The following DLG5 variants were observed in gnomAD, a reference collection of about 807,000 sequenced individuals.
The protein encoded by DLG5 is disks large homolog 5.
In DLG5, 48 loss-of-function variants were observed where a neutral mutation model predicts 189.8. The ratio of observed to expected loss-of-function variants is 0.25; its 90% CI spans 0.20 to 0.32. DLG5 has a LOEUF of 0.32. Ranked by LOEUF, DLG5 falls within the 10% of genes least tolerant of loss-of-function variation. DLG5 has a pLI of 1.00. For missense variants in DLG5, 2,160 were observed against 2,544.7 expected (o/e 0.85, Z 3.25); for synonymous variants, 1,016 against 1,054.1 (o/e 0.96, Z 0.70).
chr10:77,828,830 T>C (rs1025508621), intron 13 of DLG5, 52 bp downstream of exon 13: 1 of 1,586,876 alleles, frequency 6.3e-7, no homozygotes, highest in African/African-American at 1.3e-5. Flanking sequence ...ACCTCCCAAA[T>C]GTAATCTGCC....
intron 5 of DLG5, among the ~76,000 whole-genome samples, chr10:77,849,534 TCTC>T (rs1265438882): frequency 1.1e-4 from 16 of 152,240 alleles, no homozygotes; most frequent in African/African-American, 3.6e-4. Context: ...CCAGGCCTCT[TCTC>T]CTGGTGGGGT....
At chr10:77,927,001 G>T, upstream of DLG5, 1 of 344,356 alleles carries the variant, frequency 2.9e-6, no homozygotes, top group Non-Finnish European at 6.0e-6. Flanking sequence ...GACAGCTCCG[G>T]CCCGGCTCGG....
intron 13 of DLG5, 104 bp from the exon 14 acceptor site, chr10:77,824,580 T>C: frequency 1.1e-6 from 1 of 885,300 alleles, no homozygotes; most frequent in Non-Finnish European, 1.8e-6. Context: ...AGTCACCAAA[T>C]GCAAGGTGCC....
intron 27 of DLG5, among the ~76,000 whole-genome samples, chr10:77,804,434 A>T (rs1841370821): frequency 6.6e-6 from 1 of 152,210 alleles, no homozygotes; most frequent in Non-Finnish European, 1.5e-5. Context: ...GCCATGAACT[A>T]CAGTGTGATC....
At chr10:77,862,719 A>AT (rs1443953404) in intron 2 of DLG5, among the ~76,000 whole-genome samples, 2 of 152,234 alleles carry the variant, frequency 1.3e-5, no homozygotes, top group African/African-American at 4.8e-5. Context: ...ATGGAGTATT[A>AT]CTCAGCAATG....
chr10:77,869,468 A>G (rs1589237519), intron 1 of DLG5: 2 of 459,810 alleles, frequency 4.3e-6, no homozygotes, highest in Non-Finnish European at 7.7e-6. Flanking sequence ...TCTTGTTGGG[A>G]CATCTGGGGA....
chr10:77,867,299 G>A (rs770138789), intron 2 of DLG5, among the ~76,000 whole-genome samples: 5 of 152,156 alleles, frequency 3.3e-5, no homozygotes, highest in African/African-American at 9.7e-5. Context: ...GAAAGGTAAC[G>A]ATTTAACCCT....
intron 1 of DLG5, among the ~76,000 whole-genome samples, chr10:77,881,438 G>T (rs1431230550): frequency 6.6e-6 from 1 of 152,144 alleles, no homozygotes; most frequent in Non-Finnish European, 1.5e-5. Flanking sequence ...AAGGAAAAAA[G>T]GGAAGCATGA....
intron 1 of DLG5, among the ~76,000 whole-genome samples, chr10:77,921,886 A>T (rs1846545642): frequency 6.6e-6 from 1 of 152,222 alleles, no homozygotes; most frequent in African/African-American, 2.4e-5. Flanking sequence ...CGAGAGGTCC[A>T]GCCAAGTTCT....
chr10:77,819,563 CT>C, intron 16 of DLG5, 98 bp from the exon 17 acceptor site: 1 of 1,454,990 alleles, frequency 6.9e-7, no homozygotes, highest in Non-Finnish European at 9.1e-7. Context: ...CAGCCGCAGT[CT>C]TTTGGGAAAA....
intron 6 of DLG5, among the ~76,000 whole-genome samples, 155 bp from the exon 7 acceptor site, chr10:77,842,348 A>G (rs1416607093): frequency 2.0e-5 from 3 of 152,196 alleles, no homozygotes. Context: ...GAGAAAAGTC[A>G]TGGAGTACCA....
At position 77,792,405 on chromosome 10, in the gene DLG5, C is replaced by T. The variant is rs374537076; in HGVS notation, c.*35G>A. The T allele has an allele frequency of 6.5e-5, 103 of 1,591,676 alleles. No individual in the cohort carries two copies. Among genetic ancestry groups the T allele is most frequent in the African/African-American group, 8.1e-5 (6 of 74,452 alleles). ...GAGCTGAGTCTGGTGTCCCCTCAGG[C>T]GGCCAGCTGCAGTCATCCACAGCAC... is the stretch of plus-strand genomic sequence containing the variant. On this transcript the variant is annotated 3_prime_UTR_variant, in exon 32 of 32. Coordinates refer to ENST00000372391, the MANE Select transcript of DLG5 (RefSeq NM_004747.4).
rs1010502424 is a variant in DLG5 at position 77,796,246 on chromosome 10, G to A, written c.5309-58C>T. 6.2e-7 allele frequency: 1 copy of A among 1,612,404 alleles called. No individual in the cohort carries two copies. Among genetic ancestry groups the A allele is most frequent in the Non-Finnish European group, 8.5e-7 (1 of 1,179,424 alleles). ...CCAGGCCCTGCTGAGCCCCAGCAGA[G>A]GGAGCAGGGGAAGAACACTGCTCAG... is the stretch of plus-strand genomic sequence containing the variant. On this transcript the variant is annotated intron_variant, in intron 28 of 31. Coordinates refer to ENST00000372391, the MANE Select transcript of DLG5 (RefSeq NM_004747.4). This position sits in a 1 kb window ranked among gnomAD's most constrained non-coding sequence, Gnocchi z 5.2.
intron 2 of DLG5, among the ~76,000 whole-genome samples, chr10:77,865,898 C>CT (rs1844661416): frequency 6.6e-6 from 1 of 152,166 alleles, no homozygotes; most frequent in Non-Finnish European, 1.5e-5. Context: ...TGAGAGAACG[C>CT]TGTCTACACG....
the DLG5 span, among the ~76,000 whole-genome samples, chr10:77,932,385 G>A: frequency 2.6e-5 from 4 of 152,186 alleles, no homozygotes; most frequent in African/African-American, 7.2e-5. Flanking sequence ...TCAATAGATA[G>A]TATTTTTAAT....
intron 1 of DLG5, among the ~76,000 whole-genome samples, chr10:77,907,596 T>G (rs1846103816): frequency 6.6e-6 from 1 of 152,138 alleles, no homozygotes; most frequent in Non-Finnish European, 1.5e-5. Context: ...CACATAAATA[T>G]AGCAGCTTAC....
intron 1 of DLG5, among the ~76,000 whole-genome samples, chr10:77,907,691 T>C (rs1314278655): frequency 6.6e-6 from 1 of 152,196 alleles, no homozygotes; most frequent in Non-Finnish European, 1.5e-5. Flanking sequence ...GTCCTGTTAT[T>C]ATCCCCATTC....
chr10:77,910,062 C>T (rs375376404), intron 1 of DLG5, among the ~76,000 whole-genome samples: 4 of 152,110 alleles, frequency 2.6e-5, no homozygotes, highest in Admixed American at 1.3e-4. Context: ...ACCCATTCCC[C>T]GACTCAGCAC....
At chr10:77,834,187 G>A (rs1216649609) in intron 8 of DLG5, 148 bp from the exon 9 acceptor site, 2 of 1,182,878 alleles carry the variant, frequency 1.7e-6, no homozygotes, top group Admixed American at 2.8e-5. Context: ...GGGAATCTAG[G>A]GGTAAGACCA....
Sources: allele counts gnomAD v4.1 joint callset (sites outside exome capture counted in the v4.1 genomes callset), GRCh38; gene constraint gnomAD v4.1.1; non-coding constraint Gnocchi (gnomAD v3.1); transcripts MANE v1.5; gene names NCBI Gene and HGNC (gene_info 2026-07-23, HGNC 2026-07-21).